The following CSMD1 variants were observed in gnomAD, a reference collection of about 807,000 sequenced individuals.
The protein encoded by CSMD1 is CUB and Sushi multiple domains 1, also known as CUB and sushi domain-containing protein 1.
A neutral mutation model predicts 417.5 loss-of-function variants in CSMD1; 213 were observed. The ratio of observed to expected loss-of-function variants is 0.51; its 90% confidence interval spans 0.46 to 0.57. The LOEUF (loss-of-function observed/expected upper bound fraction) is 0.57. CSMD1 is among the 20% of genes least tolerant of loss of function. The pLI, the probability that CSMD1 is intolerant of heterozygous loss-of-function variation, is 0.00. For synonymous variants in CSMD1, 2,862 were observed against 1,736.8 expected (o/e 1.65, Z -16.11); for missense variants, 6,923 against 4,529.7 (o/e 1.53, Z -15.17).
At chr8:3,119,005 C>T (rs1817030159) in intron 41 of CSMD1, among the ~76,000 whole-genome samples, 1 of 152,112 alleles carries the variant, frequency 6.6e-6, no homozygotes, top group Non-Finnish European at 1.5e-5. Context: ...ACAGTAAAAT[C>T]CTGTCTCTAC....
intron 5 of CSMD1, among the ~76,000 whole-genome samples, chr8:3,801,635 A>G (rs1223731831): frequency 4.0e-5 from 3 of 74,364 alleles, no homozygotes; most frequent in African/African-American, 1.1e-4. Flanking sequence ...CTACCCAAGA[A>G]AACTGAAAAC....
Position 4,637,526 on chromosome 8 carries a change from T to C in CSMD1, c.118A>G (p.Asn40Asp). 1 of 1,613,820 alleles carries C rather than the reference T, an allele frequency of 6.2e-7. No individual in the cohort carries two copies. Among genetic ancestry groups the C allele is most frequent in the Non-Finnish European group, 8.5e-7 (1 of 1,179,828 alleles). ...QNCGGLVQGP[N>D]GTIESPGFPH... Reference sequence around the variant, plus strand: ...AACCCTGGGCTCTCAATAGTGCCATTGGGACCCTGGACTAAGCCTCCACAG... The same window carrying C: ...AACCCTGGGCTCTCAATAGTGCCATCGGGACCCTGGACTAAGCCTCCACAG... The change falls in exon 2 of 70, where the codon AAT (asparagine) becomes GAT (aspartate). Residue 40 changes from asparagine to aspartate, a missense_variant. Physicochemically the swap from Asn to Asp is conservative, Grantham distance 23. Coordinates refer to ENST00000635120, the MANE Select transcript of CSMD1 (RefSeq NM_033225.6).
chr8:4,815,055 T>A (rs1334635476), intron 1 of CSMD1, among the ~76,000 whole-genome samples: 2 of 152,250 alleles, frequency 1.3e-5, no homozygotes, highest in East Asian at 3.9e-4. Flanking sequence ...ATGACTTGAC[T>A]GGAGGAAATT....
intron 7 of CSMD1, among the ~76,000 whole-genome samples, chr8:3,629,606 A>T (rs1796674998): frequency 4.6e-5 from 7 of 152,348 alleles, no homozygotes; most frequent in Admixed American, 4.6e-4. Context: ...ATATACCATG[A>T]GTCAATCTCT....
chr8:4,129,064 G>C (rs946388943), intron 3 of CSMD1, among the ~76,000 whole-genome samples: 5 of 108,412 alleles, frequency 4.6e-5, no homozygotes, highest in African/African-American at 1.8e-4. Context: ...TACAGAGTGA[G>C]AGTCCAACTC....
intron 10 of CSMD1, among the ~76,000 whole-genome samples, chr8:3,528,832 T>A (rs1031870543): frequency 6.6e-6 from 1 of 152,200 alleles, no homozygotes; most frequent in Non-Finnish European, 1.5e-5. Context: ...GTTCTCCATT[T>A]AAACATAAGA....
intron 5 of CSMD1, among the ~76,000 whole-genome samples, chr8:3,873,571 A>T (rs1805624554): frequency 6.6e-6 from 1 of 152,082 alleles, no homozygotes; most frequent in Non-Finnish European, 1.5e-5. Context: ...CGGTGGGAGG[A>T]GGGAGAGCAT....
chr8:4,908,687 A>G (rs1022105600), intron 1 of CSMD1, among the ~76,000 whole-genome samples: 2 of 150,844 alleles, frequency 1.3e-5, no homozygotes, highest in Non-Finnish European at 3.0e-5. Context: ...TCAGTCTAGC[A>G]ATGAGTCCAT....
At chr8:3,476,928 A>G (rs1416227905) in intron 11 of CSMD1, among the ~76,000 whole-genome samples, 2 of 151,840 alleles carry the variant, frequency 1.3e-5, no homozygotes, top group Admixed American at 6.6e-5. Flanking sequence ...AAAAAAAAAA[A>G]AAAATGTGAA....
chr8:4,821,963 GAGAATA>G (rs1799549517), intron 1 of CSMD1, among the ~76,000 whole-genome samples: 3 of 151,972 alleles, frequency 2.0e-5, no homozygotes, highest in African/African-American at 7.3e-5. Flanking sequence ...AAGCTTCTCA[GAGAATA>G]CTACGTAAAA....
At chr8:3,754,187 C>A in intron 5 of CSMD1, 145 bp from the exon 6 acceptor site, 2 of 502,926 alleles carry the variant, frequency 4.0e-6, no homozygotes, top group South Asian at 3.0e-5. Context: ...GACTTTGAAC[C>A]TTAAAACGAT....
At chr8:4,699,384 C>G (rs1807364670) in intron 1 of CSMD1, among the ~76,000 whole-genome samples, 1 of 152,272 alleles carries the variant, frequency 6.6e-6, no homozygotes, top group Middle Eastern at 3.4e-3. Flanking sequence ...ACAACTCACA[C>G]CTTGTACTGA....
intron 21 of CSMD1, among the ~76,000 whole-genome samples, chr8:3,354,979 A>G (rs1318469183): frequency 1.0e-5 from 1 of 99,354 alleles, no homozygotes; most frequent in Non-Finnish European, 2.1e-5. Context: ...GTTAAACTAG[A>G]TATAAATTAA....
intron 5 of CSMD1, among the ~76,000 whole-genome samples, chr8:3,842,718 AAT>A (rs1437392644): frequency 1.3e-5 from 2 of 152,202 alleles, no homozygotes; most frequent in East Asian, 1.9e-4. Context: ...ACCTGCAAAA[AAT>A]GTGTCAAGAT....
chr8:4,652,483 T>C (rs1035936310), intron 1 of CSMD1, among the ~76,000 whole-genome samples: 1 of 152,036 alleles, frequency 6.6e-6, no homozygotes, highest in Non-Finnish European at 1.5e-5. Flanking sequence ...AGAACCACTG[T>C]GCCGAGCCTG....
At chr8:3,683,468 T>C (rs1265688098) in intron 7 of CSMD1, among the ~76,000 whole-genome samples, 1 of 152,168 alleles carries the variant, frequency 6.6e-6, no homozygotes, top group African/African-American at 2.4e-5. Context: ...CCTCCATTTC[T>C]GGAGGGGTGT....
chr8:4,895,758 A>G (rs908616630), intron 1 of CSMD1, among the ~76,000 whole-genome samples: 4 of 151,966 alleles, frequency 2.6e-5, no homozygotes, highest in African/African-American at 9.7e-5. Flanking sequence ...TTAACCAAAG[A>G]TATTAAACTT....
intron 2 of CSMD1, among the ~76,000 whole-genome samples, chr8:4,429,883 C>G (rs1438200): frequency 2.0e-5 from 3 of 151,828 alleles, no homozygotes; most frequent in Admixed American, 6.6e-5. Context: ...AGGGAATCCT[C>G]TCCTCCATTT....
At chr8:4,337,146 C>T (rs1347668376) in intron 3 of CSMD1, among the ~76,000 whole-genome samples, 6 of 152,084 alleles carry the variant, frequency 3.9e-5, no homozygotes, top group Admixed American at 1.3e-4. Flanking sequence ...TCTGCCCCCA[C>T]CTTCATTACT....
Sources: allele counts gnomAD v4.1 joint callset (sites outside exome capture counted in the v4.1 genomes callset), GRCh38; gene constraint gnomAD v4.1.1; transcripts MANE v1.5; gene names NCBI Gene and HGNC (gene_info 2026-07-23, HGNC 2026-07-21).